Variants in CAMTA1 observed in about 807,000 individuals in gnomAD.
CAMTA1 encodes calmodulin-binding transcription activator 1.
Under a neutral mutation model 170.9 loss-of-function variants are expected in CAMTA1, and 27 were observed. That is an observed-to-expected ratio of 0.16 (90% CI 0.12 to 0.22). The LOEUF (loss-of-function observed/expected upper bound fraction) is 0.22. Ranked by LOEUF, CAMTA1 falls within the 10% of genes least tolerant of loss-of-function variation. The pLI, the probability that CAMTA1 is intolerant of heterozygous loss-of-function variation, is 1.00. For synonymous variants in CAMTA1, 833 were observed against 891.5 expected (o/e 0.93, Z 1.17); for missense variants, 1,619 against 2,217.2 (o/e 0.73, Z 5.42).
chr1:7,485,222 C>T (rs1057119220), intron 6 of CAMTA1, among the ~76,000 whole-genome samples: 18 of 152,202 alleles, frequency 1.2e-4, no homozygotes, highest in Non-Finnish European at 1.6e-4. Context: ...GGCCCTTGTG[C>T]GCGCATTACA....
intron 5 of CAMTA1, among the ~76,000 whole-genome samples, chr1:7,329,298 A>G (rs978800253): frequency 6.6e-6 from 1 of 152,194 alleles, no homozygotes; most frequent in Non-Finnish European, 1.5e-5. Context: ...ATGTTTTCTA[A>G]ACAATTAAAT....
In CAMTA1 at chr1:7,209,982, A is replaced by G. The variant is rs1204056694; in HGVS notation, c.303-39509A>G. On this transcript the variant is annotated intron_variant, in intron 4 of 22. Transcript: ENST00000303635. ...CACATGACTGAACCATTTGAAAGTA[A>G]GTTTCAGACATGATGCCCCGTTAAC... 3.9e-5 allele frequency among the ~76,000 whole-genome samples: 6 copies of G among 152,198 alleles called. No individual in the cohort carries two copies. In the East Asian group the frequency reaches 5.8e-4, roughly 15 times the overall value.
chr1:7,686,238 G>C (rs960719495), intron 11 of CAMTA1, among the ~76,000 whole-genome samples: 10 of 152,194 alleles, frequency 6.6e-5, no homozygotes, highest in African/African-American at 2.4e-4. Context: ...AAAGGAAACT[G>C]TCAGATGTTG....
intron 5 of CAMTA1, among the ~76,000 whole-genome samples, chr1:7,389,923 A>G (rs896528464): frequency 6.6e-6 from 1 of 152,094 alleles, no homozygotes; most frequent in Non-Finnish European, 1.5e-5. Context: ...TTTGCTTTCC[A>G]AGTCAGGGCC....
intron 3 of CAMTA1, among the ~76,000 whole-genome samples, chr1:7,029,016 C>T (rs1439418483): frequency 1.3e-5 from 2 of 152,154 alleles, no homozygotes; most frequent in African/African-American, 4.8e-5. Context: ...TCCTGATTCC[C>T]TTACCCTCTA....
intron 22 of CAMTA1, among the ~76,000 whole-genome samples, chr1:7,758,318 T>C (rs748947929): frequency 6.6e-5 from 10 of 152,214 alleles, no homozygotes; most frequent in Non-Finnish European, 1.5e-4. Context: ...CTGCATTCTA[T>C]TGTGAACTCC....
chr1:7,608,729 G>C (rs76026743), intron 6 of CAMTA1, among the ~76,000 whole-genome samples: 140 of 152,252 alleles, frequency 9.2e-4, no homozygotes, highest in African/African-American at 3.3e-3. Context: ...GGCTCACCTT[G>C]TTCTGCTTAA....
At chr1:7,051,952 G>A (rs1403717199) in intron 3 of CAMTA1, among the ~76,000 whole-genome samples, 3 of 151,948 alleles carry the variant, frequency 2.0e-5, no homozygotes, top group Admixed American at 6.6e-5. Context: ...CCCCCTCTCC[G>A]CAGCCTCCCC....
At chr1:7,324,779 C>T (rs2149705901) in intron 5 of CAMTA1, among the ~76,000 whole-genome samples, 1 of 149,058 alleles carries the variant, frequency 6.7e-6, no homozygotes, top group South Asian at 2.2e-4. Flanking sequence ...TGCACTCCAG[C>T]CTGGGTGACA....
chr1:7,260,555 A>T (rs1668018807), intron 5 of CAMTA1, among the ~76,000 whole-genome samples: 1 of 152,032 alleles, frequency 6.6e-6, no homozygotes, highest in South Asian at 2.1e-4. Context: ...CCAGTGATAC[A>T]CTCTGTGTTC....
intron 5 of CAMTA1, among the ~76,000 whole-genome samples, chr1:7,350,614 A>AT (rs954137564): frequency 4.0e-4 from 60 of 150,652 alleles, no homozygotes; most frequent in Non-Finnish European, 7.0e-4. Context: ...AGAAAATTTC[A>AT]TTTTTTTTTC....
intron 6 of CAMTA1, among the ~76,000 whole-genome samples, chr1:7,503,909 G>A (rs2094053260): frequency 6.6e-6 from 1 of 152,214 alleles, no homozygotes; most frequent in African/African-American, 2.4e-5. Context: ...GGGGACAGAA[G>A]CATGGAGGCT....
intron 3 of CAMTA1, among the ~76,000 whole-genome samples, chr1:6,895,927 CT>C (rs1675570520): frequency 6.6e-6 from 1 of 152,276 alleles, no homozygotes; most frequent in African/African-American, 2.4e-5. Flanking sequence ...CCTATTAGCT[CT>C]TTTAGGGCAG....
chr1:7,134,967 TCAAAA>T (rs1485737514), intron 4 of CAMTA1, among the ~76,000 whole-genome samples: 1 of 152,044 alleles, frequency 6.6e-6, no homozygotes, highest in African/African-American at 2.4e-5. Context: ...GAGACACTTC[TCAAAA>T]GAAAACATAC....
chr1:7,186,290 G>A (rs1653252847), intron 4 of CAMTA1, among the ~76,000 whole-genome samples: 1 of 152,186 alleles, frequency 6.6e-6, no homozygotes, highest in African/African-American at 2.4e-5. Flanking sequence ...GTGTCTTGAA[G>A]TGTTTCAAAA....
chr1:6,902,072 C>CACAA (rs3986505), intron 3 of CAMTA1, among the ~76,000 whole-genome samples: 6,812 of 87,018 alleles, frequency 0.078, 201 homozygotes, highest in South Asian at 0.12. Flanking sequence ...CACACACACA[C>CACAA]AAAAAAAAAA....
At chr1:7,688,747 T>C (rs2096279883) in intron 11 of CAMTA1, among the ~76,000 whole-genome samples, 2 of 152,160 alleles carry the variant, frequency 1.3e-5, no homozygotes, top group South Asian at 2.1e-4. Flanking sequence ...AAAATACACA[T>C]ATCTCTGACC....
chr1:7,185,974 C>T (rs1398897398), intron 4 of CAMTA1, among the ~76,000 whole-genome samples: 5 of 152,124 alleles, frequency 3.3e-5, no homozygotes, highest in East Asian at 1.9e-4. Context: ...CTTTATAGGA[C>T]GCTTGGTGAA....
intron 11 of CAMTA1, among the ~76,000 whole-genome samples, chr1:7,727,474 C>A (rs1451618928): frequency 1.3e-5 from 2 of 152,196 alleles, no homozygotes; most frequent in Non-Finnish European, 2.9e-5. Context: ...CAGAAATTAT[C>A]TGTTGGTCGA....
Sources: gnomAD v4.1 joint callset for allele counts (sites outside exome capture counted in the v4.1 genomes callset) on GRCh38, gnomAD v4.1.1 for gene constraint, MANE v1.5 for transcripts, NCBI Gene and HGNC (gene_info 2026-07-23, HGNC 2026-07-21) for gene names.